The following KANK1 variants were observed in gnomAD, a reference collection of about 807,000 sequenced individuals.
KANK1 encodes KN motif and ankyrin repeat domain-containing protein 1.
In KANK1, 109 loss-of-function variants were observed where a neutral mutation model predicts 106.2. That is an observed-to-expected ratio of 1.03 (90% CI 0.88 to 1.20). The LOEUF (loss-of-function observed/expected upper bound fraction) is 1.20. KANK1 is among the 50% of genes most tolerant of loss of function. The pLI is 0.00. For missense variants in KANK1, 2,399 were observed against 1,710.7 expected, an observed-to-expected ratio of 1.40 and a Z score of -7.10; for synonymous variants, 873 against 652.2, an observed-to-expected ratio of 1.34 and a Z score of -5.16.
At chr9:543,709 A>G (rs75086359) in intron 1 of KANK1, among the ~76,000 whole-genome samples, 1 of 152,220 alleles carries the variant, frequency 6.6e-6, no homozygotes, top group Non-Finnish European at 1.5e-5. Context: ...GTCAGTGCAG[A>G]TGGAAAACTA....
At chr9:651,860 G>C (rs555870098) in intron 1 of KANK1, among the ~76,000 whole-genome samples, 1 of 152,254 alleles carries the variant, frequency 6.6e-6, no homozygotes, top group African/African-American at 2.4e-5. Context: ...ATTGCTCTGA[G>C]CCAGAAATGA....
At chr9:624,525 C>G (rs1038469174) in intron 1 of KANK1, among the ~76,000 whole-genome samples, 2 of 151,868 alleles carry the variant, frequency 1.3e-5, no homozygotes, top group African/African-American at 4.8e-5. Flanking sequence ...GAAAACAGGC[C>G]GGGTGTGGTG....
At chr9:630,475 C>T (rs915565266) in intron 1 of KANK1, among the ~76,000 whole-genome samples, 9 of 150,370 alleles carry the variant, frequency 6.0e-5, no homozygotes, top group Non-Finnish European at 1.2e-4. Flanking sequence ...GGCGTAAACC[C>T]GGGAGGCGGA....
intron 1 of KANK1, among the ~76,000 whole-genome samples, chr9:535,291 C>G (rs1259619799): frequency 6.6e-6 from 1 of 152,132 alleles, no homozygotes; most frequent in South Asian, 2.1e-4. Context: ...TGAGGATCCC[C>G]TACATTTGCA....
chr9:684,230 G>A lies in KANK1; in HGVS notation c.37+7221G>A, dbSNP rs1017635244. The A allele has an allele frequency of 2.7e-5, 27 of 985,252 alleles. No individual in the cohort carries two copies. The African/African-American group carries it at 4.5e-4, about 17-fold the overall frequency. The allele number at this position is 985,252 out of a possible 1,614,324, so 61.0% of individuals were successfully genotyped here. On this transcript the variant is annotated intron_variant, in intron 2 of 11. Coordinates refer to ENST00000382297, the MANE Select transcript of KANK1 (RefSeq NM_015158.5). ...CTTAAGCATCAGATTTCAGACAGGC[G>A]ATTAGCTCTCCAGCTAAGCCAAGAA...
At chr9:546,781 T>G (rs943852763) in intron 1 of KANK1, among the ~76,000 whole-genome samples, 1 of 152,164 alleles carries the variant, frequency 6.6e-6, no homozygotes, top group South Asian at 2.1e-4. Flanking sequence ...GAAATTCTAT[T>G]TTGGCAACCA....
intron 1 of KANK1, among the ~76,000 whole-genome samples, chr9:597,812 C>T (rs547299581): frequency 6.6e-6 from 1 of 151,474 alleles, no homozygotes; most frequent in South Asian, 2.1e-4. Flanking sequence ...TACAGGCATG[C>T]ATCACCACGC....
intron 1 of KANK1, among the ~76,000 whole-genome samples, chr9:628,299 G>T (rs944400112): frequency 6.6e-6 from 1 of 152,138 alleles, no homozygotes; most frequent in Non-Finnish European, 1.5e-5. Context: ...TGGGTAACTT[G>T]TCAGACCTCA....
At chr9:625,928 T>C (rs1469566203) in intron 1 of KANK1, among the ~76,000 whole-genome samples, 1 of 152,072 alleles carries the variant, frequency 6.6e-6, no homozygotes, top group Admixed American at 6.6e-5. Flanking sequence ...ATCCTGAGCC[T>C]CTTATTCCCA....
chr9:515,344 CAAAAAAAAA>C (rs1305073521), intron 1 of KANK1, among the ~76,000 whole-genome samples: 2 of 85,698 alleles, frequency 2.3e-5, no homozygotes, highest in Non-Finnish European at 4.9e-5. Context: ...GACTCCTTCT[CAAAAAAAAA>C]AAAAAGAAAA....
intron 1 of KANK1, among the ~76,000 whole-genome samples, chr9:576,138 C>T (rs1037798069): frequency 6.6e-6 from 1 of 152,218 alleles, no homozygotes; most frequent in Admixed American, 6.5e-5. Flanking sequence ...CCTATCAGAC[C>T]TACTGCTTAC....
rs754977454 is a variant in KANK1, at chr9:592,517, C to G, written c.-83-84373C>G. On this transcript the variant is annotated intron_variant, in intron 1 of 11. Coordinates refer to ENST00000382297, the MANE Select transcript of KANK1 (RefSeq NM_015158.5). Reference sequence around the variant, plus strand: ...CCGCTCTTTCACTGGATACCTGTGTCTAAGTACGTTTTTTCATCCATCGCT... The same window carrying G: ...CCGCTCTTTCACTGGATACCTGTGTGTAAGTACGTTTTTTCATCCATCGCT... 2.6e-5 allele frequency among the ~76,000 whole-genome samples: 4 copies of G among 151,822 alleles called. 1 individual carries two copies. Among genetic ancestry groups the G allele is most frequent in the African/African-American group, 9.7e-5 (4 of 41,112 alleles).
chr9:706,548 T>C (rs1291295992), intron 2 of KANK1, among the ~76,000 whole-genome samples: 1 of 146,498 alleles, frequency 6.8e-6, no homozygotes, highest in Non-Finnish European at 1.5e-5. Flanking sequence ...TTTTACGTTC[T>C]TTAAATTATC....
At chr9:628,784 G>A (rs577422594) in intron 1 of KANK1, among the ~76,000 whole-genome samples, 32 of 152,126 alleles carry the variant, frequency 2.1e-4, no homozygotes, top group African/African-American at 7.2e-4. Context: ...TACCTGTTCA[G>A]TTTACCATCT....
At position 744,542 on chromosome 9, in the gene KANK1, G is replaced by T. The variant is rs535542451; in HGVS notation, c.3949G>T (p.Ala1317Ser). The change falls in exon 11 of 12, where the codon GCT becomes TCT. Residue 1317 changes from alanine to serine, a missense_variant. By Grantham distance (99) the Ala-to-Ser change is moderately conservative. Transcript: ENST00000382297. ...CCTGGAAGCAGGACACAAGGACATC[G>T]CTGTTCTTCTGTATGCCCATGTCAA... ...IALEAGHKDI[A>S]VLLYAHVNFA... The T allele has an allele frequency of 6.2e-7, 1 of 1,614,142 alleles. No homozygotes were observed. The highest frequency in any genetic ancestry group is 1.7e-5 in the Admixed American group (1 of 60,026).
At chr9:720,023 A>G (rs185718054) in intron 3 of KANK1, among the ~76,000 whole-genome samples, 1 of 152,358 alleles carries the variant, frequency 6.6e-6, no homozygotes, top group African/African-American at 2.4e-5. Flanking sequence ...ATGGATAATT[A>G]TAAAAGCTAA....
intron 1 of KANK1, among the ~76,000 whole-genome samples, chr9:599,022 T>TA (rs1206519833): frequency 2.0e-4 from 13 of 64,264 alleles, no homozygotes; most frequent in South Asian, 2.0e-3. Flanking sequence ...TTATTATTAT[T>TA]TTTTTTTTTT....
chr9:706,810 T>G (rs554291709), intron 2 of KANK1: 28 of 985,396 alleles, frequency 2.8e-5, no homozygotes, highest in Middle Eastern at 1.0e-3. Flanking sequence ...TGGGGCTGAT[T>G]GTGCCTCTGC....
chr9:718,883 C>G (rs1158487012), intron 3 of KANK1, among the ~76,000 whole-genome samples: 1 of 150,584 alleles, frequency 6.6e-6, no homozygotes, highest in Non-Finnish European at 1.5e-5. Flanking sequence ...GATGGTCCTT[C>G]ATGAATAATC....
Sources: allele counts gnomAD v4.1 joint callset (sites outside exome capture counted in the v4.1 genomes callset), GRCh38; gene constraint gnomAD v4.1.1; transcripts MANE v1.5; gene names NCBI Gene and HGNC (gene_info 2026-07-23, HGNC 2026-07-21).